Variants in SLC60A1 observed in about 807,000 individuals in gnomAD.
SLC60A1 encodes solute carrier family 60 member 1.
the SLC60A1 span, among the ~76,000 whole-genome samples, chr1:205,578,636 G>A: frequency 6.6e-6 from 1 of 152,204 alleles, no homozygotes; most frequent in African/African-American, 2.4e-5. Flanking sequence ...AAGAGCCAAG[G>A]GGGTCAGGGG....
chr1:205,579,764 C>T, the SLC60A1 span: 3 of 1,614,034 alleles, frequency 1.9e-6, no homozygotes, highest in Non-Finnish European at 2.5e-6. Context: ...GGCCCAGTCA[C>T]TATGGGCCCT....
chr1:205,569,680 C>T, the SLC60A1 span, among the ~76,000 whole-genome samples: 5 of 152,060 alleles, frequency 3.3e-5, no homozygotes, highest in African/African-American at 1.2e-4. Context: ...TTACACAGCT[C>T]CTCTGGGGTT....
At chr1:205,587,160 G>A in the SLC60A1 span, among the ~76,000 whole-genome samples, 1 of 152,162 alleles carries the variant, frequency 6.6e-6, no homozygotes, top group Admixed American at 6.5e-5. Context: ...ACAGACTTCT[G>A]CCAAATTGTC....
chr1:205,586,227 CCT>C, the SLC60A1 span: 1 of 1,612,250 alleles, frequency 6.2e-7, no homozygotes, highest in East Asian at 2.2e-5. Flanking sequence ...TGAATAGCCT[CCT>C]CTCTCTTCTG....
chr1:205,598,996 G>A, the SLC60A1 span: 37 of 1,184,670 alleles, frequency 3.1e-5, no homozygotes, highest in South Asian at 7.4e-5. Context: ...CCTCCTCCCC[G>A]TGATTCCATC....
the SLC60A1 span, chr1:205,584,785 G>C: frequency 3.5e-6 from 4 of 1,131,242 alleles, no homozygotes; most frequent in African/African-American, 3.0e-5. Flanking sequence ...ATCCTGCAGG[G>C]CTCTTCTGAC....
the SLC60A1 span, chr1:205,586,256 C>G: frequency 6.3e-7 from 1 of 1,599,700 alleles, no homozygotes; most frequent in Non-Finnish European, 8.5e-7. Flanking sequence ...CCAGGAGAAG[C>G]CGCCTCCTCC....
chr1:205,570,004 G>C, the SLC60A1 span, among the ~76,000 whole-genome samples: 1 of 151,108 alleles, frequency 6.6e-6, no homozygotes, highest in Non-Finnish European at 1.5e-5. Context: ...TTTACCCATA[G>C]CTTGGTAAGG....
chr1:205,583,744 T>C, the SLC60A1 span, among the ~76,000 whole-genome samples: 2 of 152,216 alleles, frequency 1.3e-5, no homozygotes, highest in Non-Finnish European at 2.9e-5. Flanking sequence ...GCGAGTATGG[T>C]GATCAGGCAG....
chr1:205,574,152 A>T, the SLC60A1 span, among the ~76,000 whole-genome samples: 1 of 151,966 alleles, frequency 6.6e-6, no homozygotes, highest in African/African-American at 2.4e-5. Context: ...TTTTTAAGTT[A>T]AAAAAACCTC....
the SLC60A1 span, chr1:205,584,842 A>G: frequency 6.3e-7 from 1 of 1,595,810 alleles, no homozygotes; most frequent in South Asian, 1.1e-5. Context: ...GCAGAAGCTG[A>G]GACTCACCCC....
the SLC60A1 span, among the ~76,000 whole-genome samples, chr1:205,578,434 C>G: frequency 6.6e-6 from 1 of 152,208 alleles, no homozygotes; most frequent in Non-Finnish European, 1.5e-5. Flanking sequence ...TGAGGTTGGT[C>G]CCCCTCTCCT....
At chr1:205,588,471 A>AAG in the SLC60A1 span, among the ~76,000 whole-genome samples, 1 of 144,138 alleles carries the variant, frequency 6.9e-6, no homozygotes, top group East Asian at 2.1e-4. Flanking sequence ...CTTCAAATCA[A>AAG]AAAAAAAAAA....
chr1:205,576,635 T>C, the SLC60A1 span, among the ~76,000 whole-genome samples: 1 of 152,258 alleles, frequency 6.6e-6, no homozygotes, highest in East Asian at 1.9e-4. Flanking sequence ...TAGAAGGGGC[T>C]ATTGACCAAG....
At chr1:205,575,431 T>C in the SLC60A1 span, among the ~76,000 whole-genome samples, 1 of 152,108 alleles carries the variant, frequency 6.6e-6, no homozygotes, top group African/African-American at 2.4e-5. Flanking sequence ...AGCAGCATTC[T>C]TCCCCACCCC....
the SLC60A1 span, chr1:205,584,065 A>G: frequency 6.2e-7 from 1 of 1,614,096 alleles, no homozygotes; most frequent in South Asian, 1.1e-5. Flanking sequence ...CCTTGGAGAC[A>G]CAGCCTCCTG....
chr1:205,584,563 A>G, the SLC60A1 span, among the ~76,000 whole-genome samples: 17 of 70,258 alleles, frequency 2.4e-4, no homozygotes, highest in South Asian at 1.9e-3. Context: ...AAAAAAAAAA[A>G]AAAGAAAATC....
chr1:205,598,343 GAA>G, the SLC60A1 span: 20 of 139,304 alleles, frequency 1.4e-4, no homozygotes, highest in East Asian at 4.1e-4. Context: ...TATTCACCAG[GAA>G]AAAAAAAAAA....
chr1:205,592,152 G>A, the SLC60A1 span: 1 of 1,614,150 alleles, frequency 6.2e-7, no homozygotes, highest in East Asian at 2.2e-5. Context: ...TGGCGTGGTG[G>A]TGACGTTCCT....
Sources: allele counts gnomAD v4.1 joint callset (sites outside exome capture counted in the v4.1 genomes callset), GRCh38; gene constraint gnomAD v4.1.1; transcripts MANE v1.5; gene names NCBI Gene and HGNC (gene_info 2026-07-23, HGNC 2026-07-21).